The following CYTH3 variants were observed in gnomAD, a reference collection of about 807,000 sequenced individuals.
The protein encoded by CYTH3 is cytohesin-3.
A neutral mutation model predicts 55.1 loss-of-function variants in CYTH3; 23 were observed. The ratio of observed to expected loss-of-function variants is 0.42; its 90% CI spans 0.30 to 0.59. The LOEUF is 0.59. Among genes scored for constraint, CYTH3 ranks in the 20% least tolerant of loss-of-function variants. CYTH3 has a pLI of 0.20. For synonymous variants in CYTH3, 249 were observed against 194.9 expected, an observed-to-expected ratio of 1.28 and a Z score of -2.31; for missense variants, 413 against 524.8, an observed-to-expected ratio of 0.79 and a Z score of 2.08.
chr7:6,198,723 A>T (rs1482989284), intron 1 of CYTH3, among the ~76,000 whole-genome samples: 1 of 152,118 alleles, frequency 6.6e-6, no homozygotes, highest in African/African-American at 2.4e-5. Context: ...ATACACAAAC[A>T]TATAAAAAGG....
intron 6 of CYTH3, among the ~76,000 whole-genome samples, chr7:6,172,556 C>T (rs954557445): frequency 3.3e-5 from 5 of 152,236 alleles, no homozygotes; most frequent in Non-Finnish European, 5.9e-5. Flanking sequence ...GCCACAGGAC[C>T]TGCCTGTATT....
intron 1 of CYTH3, among the ~76,000 whole-genome samples, chr7:6,237,179 G>A (rs1038225676): frequency 6.6e-6 from 1 of 152,198 alleles, no homozygotes; most frequent in African/African-American, 2.4e-5. Context: ...TACACAAACT[G>A]TCTTCTCAAT....
rs949872274 is a variant in CYTH3 at position 6,167,181 on chromosome 7, C to T, written c.824-1371G>A. Among the ~76,000 whole-genome samples, 2 of 152,300 alleles carry T rather than the reference C, an allele frequency of 1.3e-5. No individual in the cohort carries two copies. Among genetic ancestry groups the T allele is most frequent in the African/African-American group, 2.4e-5 (1 of 41,564 alleles). Reference sequence around the variant, plus strand: ...TGTTGCCCTCGTGTCCCTGTCTCACCGCGGGCTCCATGCTCTCTGCAAGCC... The same window carrying T: ...TGTTGCCCTCGTGTCCCTGTCTCACTGCGGGCTCCATGCTCTCTGCAAGCC... On this transcript the variant is annotated intron_variant, in intron 9 of 12. Transcript: ENST00000350796. The surrounding 1 kb of genome is among the most constrained non-coding windows in gnomAD (Gnocchi z 5.5).
At chr7:6,225,922 A>G (rs1004555866) in intron 1 of CYTH3, among the ~76,000 whole-genome samples, 2 of 151,342 alleles carry the variant, frequency 1.3e-5, no homozygotes, top group African/African-American at 4.9e-5. Flanking sequence ...TTGGGAGCTC[A>G]AGACCACAAC....
At chr7:6,205,539 A>C (rs2128547844) in intron 1 of CYTH3, among the ~76,000 whole-genome samples, 1 of 152,312 alleles carries the variant, frequency 6.6e-6, no homozygotes. Flanking sequence ...TCACTACTGC[A>C]CTCCAGCCTG....
At chr7:6,248,608 C>T (rs1403971430) in intron 1 of CYTH3, among the ~76,000 whole-genome samples, 1 of 152,220 alleles carries the variant, frequency 6.6e-6, no homozygotes, top group African/African-American at 2.4e-5. Context: ...CCTCTGGCCT[C>T]CCAGTTCAGC....
At chr7:6,172,912 G>A (rs903193050) in intron 6 of CYTH3, 21 of 1,214,978 alleles carry the variant, frequency 1.7e-5, no homozygotes, top group Non-Finnish European at 2.0e-5. Flanking sequence ...GTCTGCAGTT[G>A]AGGTAAGGCC....
chr7:6,235,307 T>C (rs1176593832), intron 1 of CYTH3, among the ~76,000 whole-genome samples: 1 of 151,948 alleles, frequency 6.6e-6, no homozygotes, highest in East Asian at 1.9e-4. Context: ...GAAACCGATG[T>C]CTCTACTAAA....
chr7:6,177,914 G>T lies in CYTH3; in HGVS notation c.277C>A (p.Leu93Met). 6.2e-7 allele frequency: 1 copy of T among 1,614,030 alleles called. No individual in the cohort carries two copies. Among genetic ancestry groups the T allele is most frequent in the Non-Finnish European group, 8.5e-7 (1 of 1,179,918 alleles). Residue 93 changes from leucine to methionine, a missense_variant, in exon 5 of 13, where the codon CTG (leucine) becomes ATG (methionine). Physicochemically the swap from Leu to Met is conservative, Grantham distance 15 (BLOSUM62 2). Around this residue, in one of 4 missense-constraint regions of CYTH3, gnomAD observed 152 missense variants for 148.1 expected, o/e 1.03. Coordinates refer to ENST00000350796, the MANE Select transcript of CYTH3 (RefSeq NM_004227.4). ...KGIQFLIEND[L>M]LQSSPEDVAQ... ...ACGTCTTCTGGGGAACTCTGTAGCA[G>T]GTCATTTTCTATTAGAAACTGAATT...
At chr7:6,223,286 C>T (rs867911877) in intron 1 of CYTH3, among the ~76,000 whole-genome samples, 2 of 152,186 alleles carry the variant, frequency 1.3e-5, no homozygotes, top group East Asian at 3.9e-4. Context: ...AAGTGAGGAG[C>T]GCCTCTGCCA....
chr7:6,179,176 C>T lies in CYTH3; in HGVS notation c.250-1235G>A, dbSNP rs1783415650. 2.0e-5 allele frequency among the ~76,000 whole-genome samples: 3 copies of T among 152,144 alleles called. No homozygotes were observed. The South Asian group carries it at 6.2e-4, about 31-fold the overall frequency. On this transcript the variant is annotated intron_variant, in intron 4 of 12. Transcript: ENST00000350796. ...CGATCAGTACATTCTGGCATAATCA[C>T]ATGATGGAAGACTCTACAGCCATGA...
intron 9 of CYTH3, among the ~76,000 whole-genome samples, chr7:6,168,743 C>T (rs765577819): frequency 1.6e-4 from 25 of 152,228 alleles, no homozygotes; most frequent in African/African-American, 3.4e-4. Context: ...TTAGACAACA[C>T]GAGCTCTGCT....
chr7:6,265,438 C>A (rs1170561287), intron 1 of CYTH3, among the ~76,000 whole-genome samples: 1 of 151,224 alleles, frequency 6.6e-6, no homozygotes, highest in Non-Finnish European at 1.5e-5. Context: ...TGGTGAAACC[C>A]GTATCTATTA....
chr7:6,259,510 A>G (rs1184552840), intron 1 of CYTH3, among the ~76,000 whole-genome samples: 1 of 151,544 alleles, frequency 6.6e-6, no homozygotes, highest in Non-Finnish European at 1.5e-5. Flanking sequence ...TTTACATAAT[A>G]GTGAAAAGAT....
chr7:6,177,672 G>A lies in CYTH3; in HGVS notation c.368+151C>T, dbSNP rs77683785. The A allele has an allele frequency of 0.021, 13,286 of 635,224 alleles. 238 individuals are homozygous for A. The highest frequency in any genetic ancestry group is 0.055 in the Middle Eastern group (122 of 2,200). The allele number at this position is 635,224 out of a possible 1,614,324, so 39.3% of individuals were successfully genotyped here. ...GAGAGGAACCGGTTGCACTGGGCTCGCTTGGTATTGAGACGGGCATGTGGA... is the reference window on the plus strand; with the variant it reads ...GAGAGGAACCGGTTGCACTGGGCTCACTTGGTATTGAGACGGGCATGTGGA... On this transcript the variant is annotated intron_variant, in intron 5 of 12. Coordinates refer to ENST00000350796, the MANE Select transcript of CYTH3 (RefSeq NM_004227.4).
Position 6,190,433 on chromosome 7 carries a change from T to TG in CYTH3, c.117+15_117+16insC, listed in dbSNP as rs1783773064. 3 of 1,461,918 alleles carry TG rather than the reference T, an allele frequency of 2.1e-6. No individual in the cohort carries two copies. The highest frequency in any genetic ancestry group is 5.1e-5 in the East Asian group (2 of 38,864). The allele number at this position is 1,461,918 out of a possible 1,614,324, so 90.6% of individuals were successfully genotyped here. ...AACAGAGTTTTGGATTTTTGGTTTT[T>TG]TTTTTTTTTTTTTACCTCAATGTCA... On this transcript the variant is annotated intron_variant, in intron 2 of 12. Coordinates refer to ENST00000350796, the MANE Select transcript of CYTH3 (RefSeq NM_004227.4).
chr7:6,185,521 C>T (rs1384429201), intron 4 of CYTH3, among the ~76,000 whole-genome samples: 2 of 151,868 alleles, frequency 1.3e-5, no homozygotes, highest in Non-Finnish European at 2.9e-5. Context: ...ACAGTGAAAC[C>T]CCGTCTCTAC....
intron 1 of CYTH3, among the ~76,000 whole-genome samples, chr7:6,219,551 G>A (rs1387267607): frequency 6.6e-6 from 1 of 152,158 alleles, no homozygotes; most frequent in Non-Finnish European, 1.5e-5. Context: ...CATTCACACA[G>A]AAAGCTCTTT....
intron 1 of CYTH3, among the ~76,000 whole-genome samples, chr7:6,261,821 A>C (rs1015139639): frequency 9.9e-5 from 15 of 152,134 alleles, no homozygotes; most frequent in African/African-American, 3.6e-4. Flanking sequence ...CATTGTCCAG[A>C]ATTTAATTAA....
Sources: gnomAD v4.1 joint callset for allele counts (sites outside exome capture counted in the v4.1 genomes callset) on GRCh38, gnomAD v4.1.1 for gene constraint, gnomAD v4.1.1 regional missense constraint, Gnocchi (gnomAD v3.1) non-coding constraint, MANE v1.5 for transcripts, NCBI Gene and HGNC (gene_info 2026-07-23, HGNC 2026-07-21) for gene names.